The following NFYC variants were observed in gnomAD, a reference collection of about 807,000 sequenced individuals.
The protein encoded by NFYC is CAAT box DNA-binding protein subunit C.
A neutral mutation model predicts 53.1 loss-of-function variants in NFYC; 25 were observed. The observed-to-expected ratio is 0.47, with a 90% CI of 0.34 to 0.66. The LOEUF is 0.66. Among genes scored for constraint, NFYC ranks in the 30% least tolerant of loss-of-function variants. NFYC has a pLI of 0.01. For synonymous variants in NFYC, 145 were observed against 152.6 expected (o/e 0.95, Z 0.37); for missense variants, 260 against 422.7 (o/e 0.62, Z 3.38).
chr1:40,768,542 T>C (rs1270935210), intron 8 of NFYC: 1 of 152,172 alleles, frequency 6.6e-6, no homozygotes, highest in Non-Finnish European at 1.5e-5. Flanking sequence ...TTCCAGGAAA[T>C]GGTACACAGA....
At chr1:40,768,611 T>C (rs1646936472) in intron 8 of NFYC, 1 of 152,246 alleles carries the variant, frequency 6.6e-6, no homozygotes, top group Non-Finnish European at 1.5e-5. Flanking sequence ...GCAGTCTTCT[T>C]TCTAGTTTAC....
chr1:40,707,849 CAAA>C (rs56325253), intron 1 of NFYC, among the ~76,000 whole-genome samples: 14 of 99,444 alleles, frequency 1.4e-4, no homozygotes, highest in Non-Finnish European at 1.2e-4. Context: ...GACCCTATCT[CAAA>C]AAAAAAAAAA....
intron 1 of NFYC, among the ~76,000 whole-genome samples, chr1:40,696,024 G>GTTT (rs35472258): frequency 0.041 from 5,571 of 136,606 alleles, 197 homozygotes; most frequent in African/African-American, 0.062. Context: ...TTGTAATTCT[G>GTTT]TTTTTTTTTT....
intron 5 of NFYC, chr1:40,754,413 C>G (rs1570659330): frequency 1.9e-6 from 1 of 534,304 alleles, no homozygotes; most frequent in Non-Finnish European, 3.8e-6. Flanking sequence ...TTCAGAGGAG[C>G]TTTCAGTCGG....
intron 4 of NFYC, among the ~76,000 whole-genome samples, chr1:40,752,195 T>C (rs183644368): frequency 3.2e-4 from 49 of 152,326 alleles, no homozygotes; most frequent in Admixed American, 2.0e-3. Flanking sequence ...CATAAACATT[T>C]TACTATGCTT....
chr1:40,710,399 C>CTCT (rs1263212813), intron 1 of NFYC, among the ~76,000 whole-genome samples: 1 of 152,162 alleles, frequency 6.6e-6, no homozygotes, highest in Non-Finnish European at 1.5e-5. Context: ...TATAGGCACC[C>CTCT]TATCTTTTGC....
intron 1 of NFYC, chr1:40,735,387 G>A (rs1157568175): frequency 6.4e-6 from 1 of 157,108 alleles, no homozygotes; most frequent in African/African-American, 2.4e-5. Context: ...TACAGTATGT[G>A]GCTCTGAGCC....
chr1:40,716,711 C>T (rs1644148845), intron 1 of NFYC, among the ~76,000 whole-genome samples: 1 of 152,108 alleles, frequency 6.6e-6, no homozygotes, highest in African/African-American at 2.4e-5. Flanking sequence ...GTACGTGGCA[C>T]ACAGTAACTC....
In NFYC at chr1:40,749,788, G is replaced by A. The variant is rs538500006; in HGVS notation, c.291+102G>A. The A allele has an allele frequency of 2.8e-5, 26 of 938,988 alleles. 1 individual carries two copies. Among genetic ancestry groups the A allele is most frequent in the African/African-American group, 2.3e-4 (14 of 61,444 alleles). The allele number at this position is 938,988 out of a possible 1,614,324, so 58.2% of individuals were successfully genotyped here. A position where few individuals can be genotyped will look rare whatever the true frequency, so the allele number is the denominator to read the frequency against. On this transcript the variant is annotated intron_variant, in intron 4 of 9. Transcript: ENST00000447388. ...AAGATTGTTCTCCTTTAGGACCAAA[G>A]ATTGTTCTCCTTTAGGACCAAAGAT...
At chr1:40,708,994 C>A (rs960495572) in intron 1 of NFYC, among the ~76,000 whole-genome samples, 1 of 152,212 alleles carries the variant, frequency 6.6e-6, no homozygotes, top group Non-Finnish European at 1.5e-5. Context: ...AATAAGAAAT[C>A]CCGTGGGTGG....
In NFYC at chr1:40,770,299, A is replaced by C; in HGVS notation, c.889-410A>C. The C allele has an allele frequency of 8.5e-7, 1 of 1,173,178 alleles. No homozygotes were observed. Among genetic ancestry groups the C allele is most frequent in the Non-Finnish European group, 1.2e-6 (1 of 842,992 alleles). 72.7% of individuals were successfully genotyped at this position (1,173,178 alleles called of 1,614,324 possible). ...GAGAAAAGAAGGAGAGGAGGGGGTA[A>C]TCCTACTGCCCCTGCCAGTGTAGAT... On this transcript the variant is annotated intron_variant, in intron 9 of 9. Transcript: ENST00000447388. The surrounding 1 kb of genome is among the most constrained non-coding windows in gnomAD (Gnocchi z 5.3).
At chr1:40,705,900 C>A (rs1204589973) in intron 1 of NFYC, among the ~76,000 whole-genome samples, 1 of 152,090 alleles carries the variant, frequency 6.6e-6, no homozygotes, top group Non-Finnish European at 1.5e-5. Context: ...CGTGTGCCAC[C>A]ACACCTAGCT....
intron 1 of NFYC, among the ~76,000 whole-genome samples, chr1:40,714,953 G>T (rs895241681): frequency 2.0e-5 from 3 of 151,968 alleles, no homozygotes; most frequent in African/African-American, 7.3e-5. Context: ...GGTGGCGGGC[G>T]CCTGTAGTCC....
intron 7 of NFYC, chr1:40,766,369 A>T: frequency 2.1e-6 from 1 of 471,688 alleles, no homozygotes; most frequent in South Asian, 3.4e-5. Context: ...GTTTTTTCTG[A>T]AGTCCATTCA....
chr1:40,727,216 G>GT (rs1557793593), intron 1 of NFYC, among the ~76,000 whole-genome samples: 2 of 151,422 alleles, frequency 1.3e-5, no homozygotes, highest in South Asian at 4.2e-4. Flanking sequence ...TGTTTGTTTG[G>GT]TTGGTTGGTT....
intron 1 of NFYC, among the ~76,000 whole-genome samples, chr1:40,720,079 A>G (rs1644275573): frequency 6.6e-6 from 1 of 152,204 alleles, no homozygotes; most frequent in Admixed American, 6.5e-5. Flanking sequence ...AGCTGTATAC[A>G]TGAAGTTAAG....
chr1:40,757,888 C>T lies in NFYC; in HGVS notation c.388-233C>T, dbSNP rs559171294. On this transcript the variant is annotated intron_variant, in intron 5 of 9. Transcript: ENST00000447388. ...CTTATCATGCAATGGGTGATTATTT[C>T]GTACTTCAGAAATTGGCTGTATGTT... The T allele has an allele frequency of 7.7e-4, 447 of 581,688 alleles. 1 individual carries two copies. The highest frequency in any genetic ancestry group is 1.2e-3 in the Non-Finnish European group (387 of 327,084). 36.0% of individuals were successfully genotyped at this position (581,688 alleles called of 1,614,324 possible). A position where few individuals can be genotyped will look rare whatever the true frequency, so the allele number is the denominator to read the frequency against.
chr1:40,697,892 A>G (rs1201727111), intron 1 of NFYC, among the ~76,000 whole-genome samples: 2 of 152,224 alleles, frequency 1.3e-5, no homozygotes, highest in African/African-American at 4.8e-5. Context: ...ACTCATTTTC[A>G]GTATTGGAGT....
intron 1 of NFYC, chr1:40,709,508 T>G (rs1268575007): frequency 2.0e-5 from 3 of 152,238 alleles, no homozygotes; most frequent in Admixed American, 2.0e-4. Flanking sequence ...CTGCATCTCC[T>G]GCTGCCTTTT....
Sources: gnomAD v4.1 joint callset for allele counts (sites outside exome capture counted in the v4.1 genomes callset) on GRCh38, gnomAD v4.1.1 for gene constraint, Gnocchi (gnomAD v3.1) non-coding constraint, MANE v1.5 for transcripts, NCBI Gene and HGNC (gene_info 2026-07-23, HGNC 2026-07-21) for gene names.